Variants in AGXT2 observed in about 807,000 individuals in gnomAD.
AGXT2 encodes the protein alanine--glyoxylate aminotransferase 2, mitochondrial.
A neutral mutation model predicts 62.5 loss-of-function variants in AGXT2; 61 were observed. The ratio of observed to expected loss-of-function variants is 0.98; its 90% CI spans 0.79 to 1.21. AGXT2 has a LOEUF of 1.21. AGXT2 is among the 50% of genes most tolerant of loss of function. AGXT2 has a pLI of 0.00. For missense variants in AGXT2, 666 were observed against 641.5 expected, an observed-to-expected ratio of 1.04 and a Z score of -0.41; for synonymous variants, 243 against 218.7, an observed-to-expected ratio of 1.11 and a Z score of -0.98.
rs1246154252 is a variant in AGXT2, at chr5:35,012,961, A to G, written c.1181T>C (p.Val394Ala). ...NPMACAIGSA[V>A]LEVIKEENLQ... ...GTGGCCGCTGGAACCAACCTCAAGC[A>G]CAGCAGATCCAATGGCACAGGCCAT... Residue 394 changes from valine (V) to alanine (A), a missense_variant, in exon 11 of 14, where the codon GTG becomes GCG. Val to Ala is a moderately conservative substitution (Grantham distance 64). Coordinates refer to ENST00000231420, the MANE Select transcript of AGXT2 (RefSeq NM_031900.4). The G allele has an allele frequency of 6.4e-7, 1 of 1,551,738 alleles. No individual in the cohort carries two copies. The highest frequency in any genetic ancestry group is 8.7e-7 in the Non-Finnish European group (1 of 1,146,986).
intron 9 of AGXT2, among the ~76,000 whole-genome samples, chr5:35,022,959 G>T (rs1197598391): frequency 6.6e-6 from 1 of 151,210 alleles, no homozygotes; most frequent in Non-Finnish European, 1.5e-5. Flanking sequence ...GCATAAAAGA[G>T]TCTTGGTGAT....
At chr5:35,031,624 C>G (rs1469945852) in intron 7 of AGXT2, among the ~76,000 whole-genome samples, 2 of 152,212 alleles carry the variant, frequency 1.3e-5, no homozygotes, top group Non-Finnish European at 2.9e-5. Context: ...CCTCCTCTCC[C>G]TCCTGTTAAG....
At chr5:35,041,621 T>C (rs1767995273) in intron 1 of AGXT2, among the ~76,000 whole-genome samples, 1 of 152,140 alleles carries the variant, frequency 6.6e-6, no homozygotes, top group South Asian at 2.1e-4. Context: ...GCTCCTAATT[T>C]TGAAGACTGA....
chr5:35,000,843 T>A (rs1766204272), intron 13 of AGXT2, among the ~76,000 whole-genome samples: 1 of 152,220 alleles, frequency 6.6e-6, no homozygotes, highest in South Asian at 2.1e-4. Context: ...GCTACAGACT[T>A]CTACAGATGG....
At chr5:35,013,167 A>G (rs1346408513) in intron 10 of AGXT2, 122 bp from the exon 11 acceptor site, 3 of 851,862 alleles carry the variant, frequency 3.5e-6, no homozygotes, top group Non-Finnish European at 5.9e-6. Flanking sequence ...TTCATCCTTC[A>G]TTCAACTGAT....
rs2112188175 is a variant in AGXT2, at chr5:35,010,163, G to A, written c.1189-14C>T. ...TTCTTTAATCACCTGTTAAGAGAAAGCCCCAAATGATCTTACATGGCAGAA... is the reference window on the plus strand; with the variant it reads ...TTCTTTAATCACCTGTTAAGAGAAAACCCCAAATGATCTTACATGGCAGAA... On this transcript the variant is annotated splice_polypyrimidine_tract_variant and intron_variant, in intron 11 of 13. Transcript: ENST00000231420. 1 of 1,614,102 alleles carries A rather than the reference G, an allele frequency of 6.2e-7. No homozygotes were observed. Among genetic ancestry groups the A allele is most frequent in the Middle Eastern group, 1.6e-4 (1 of 6,062 alleles).
chr5:35,033,577 G>C (rs767503519), intron 5 of AGXT2, 24 bp from the exon 6 acceptor site: 1 of 1,590,484 alleles, frequency 6.3e-7, no homozygotes, highest in South Asian at 1.1e-5. Flanking sequence ...ACAACAGGAG[G>C]ATGGGGTCAA....
At chr5:35,017,739 T>G (rs1040647648) in intron 9 of AGXT2, among the ~76,000 whole-genome samples, 1 of 151,986 alleles carries the variant, frequency 6.6e-6, no homozygotes, top group African/African-American at 2.4e-5. Flanking sequence ...CTTTGACGAG[T>G]TGAGAGAAGA....
chr5:35,009,677 T>C (rs1766555936), intron 12 of AGXT2, among the ~76,000 whole-genome samples: 1 of 152,176 alleles, frequency 6.6e-6, no homozygotes, highest in Non-Finnish European at 1.5e-5. Flanking sequence ...TTCTTTCTTA[T>C]TCCTTCTGTT....
intron 9 of AGXT2, among the ~76,000 whole-genome samples, chr5:35,022,945 G>C (rs1306072662): frequency 6.6e-6 from 1 of 151,330 alleles, no homozygotes; most frequent in East Asian, 1.9e-4. Context: ...AAAAGGGAAA[G>C]TTAGCATAAA....
At chr5:35,026,009 G>A (rs530197269) in intron 8 of AGXT2, 154 bp from the exon 9 acceptor site, 2 of 716,058 alleles carry the variant, frequency 2.8e-6, no homozygotes, top group South Asian at 1.5e-5. Context: ...TGGGTGAAAA[G>A]AGGACTTATT....
At chr5:35,028,069 T>G (rs553901244) in intron 7 of AGXT2, among the ~76,000 whole-genome samples, 7 of 151,808 alleles carry the variant, frequency 4.6e-5, no homozygotes, top group Non-Finnish European at 1.0e-4. Context: ...GGCCCTGGAC[T>G]TCGTCATCTC....
chr5:35,002,821 G>A (rs1766284068), intron 13 of AGXT2, among the ~76,000 whole-genome samples: 1 of 152,026 alleles, frequency 6.6e-6, no homozygotes, highest in Non-Finnish European at 1.5e-5. Flanking sequence ...TGCGGGGACC[G>A]ATGAGTTTAT....
intron 12 of AGXT2, among the ~76,000 whole-genome samples, chr5:35,007,777 A>G (rs1450712784): frequency 1.3e-5 from 2 of 152,300 alleles, no homozygotes; most frequent in Admixed American, 1.3e-4. Context: ...CTCAAATGGA[A>G]GTTTGATCCC....
intron 3 of AGXT2, among the ~76,000 whole-genome samples, 161 bp from the exon 4 acceptor site, chr5:35,037,226 C>T (rs1165335722): frequency 2.0e-5 from 3 of 152,148 alleles, no homozygotes; most frequent in Non-Finnish European, 4.4e-5. Context: ...TAGAGGTGTC[C>T]AGAAATGGGA....
chr5:35,010,517 T>A (rs1460675376), intron 11 of AGXT2, among the ~76,000 whole-genome samples: 5 of 148,792 alleles, frequency 3.4e-5, no homozygotes, highest in South Asian at 2.1e-4. Context: ...GTCTCTACTT[T>A]AAAAAAAAAA....
At position 35,017,634 on chromosome 5, in the gene AGXT2, T is replaced by C. The variant is rs187054409; in HGVS notation, c.964-3515A>G. On this transcript the variant is annotated intron_variant, in intron 9 of 13. Coordinates refer to ENST00000231420, the MANE Select transcript of AGXT2 (RefSeq NM_031900.4). ...GAACTCTGTCCTTTAAACCTCTTTT[T>C]CTTAAACTGGAAACTCTAAAAAGCA... 1.4e-4 allele frequency among the ~76,000 whole-genome samples: 22 copies of C among 152,236 alleles called. No homozygotes were observed. In the East Asian group the frequency reaches 3.9e-3, roughly 27 times the overall value.
rs796430589 is a variant in AGXT2, at chr5:35,002,786, G to A, written c.1437+977C>T. On this transcript the variant is annotated intron_variant, in intron 13 of 13. Coordinates refer to ENST00000231420, the MANE Select transcript of AGXT2 (RefSeq NM_031900.4). ...TTTGTGATAGCAGGCTGGGGGGGGGGACTAACACGGGAGGAAAGAATAAAT... is the reference window on the plus strand; with the variant it reads ...TTTGTGATAGCAGGCTGGGGGGGGGAACTAACACGGGAGGAAAGAATAAAT... 7.2e-5 allele frequency among the ~76,000 whole-genome samples: 11 copies of A among 151,938 alleles called. No individual in the cohort carries two copies. In the East Asian group the frequency reaches 1.4e-3, roughly 19 times the overall value.
intron 1 of AGXT2, among the ~76,000 whole-genome samples, chr5:35,046,811 A>T (rs996214873): frequency 2.0e-5 from 3 of 152,222 alleles, no homozygotes; most frequent in African/African-American, 7.2e-5. Flanking sequence ...CGTGAAGCAC[A>T]GGCACATAAA....
Sources: gnomAD v4.1 joint callset for allele counts (sites outside exome capture counted in the v4.1 genomes callset) on GRCh38, gnomAD v4.1.1 for gene constraint, MANE v1.5 for transcripts, NCBI Gene and HGNC (gene_info 2026-07-23, HGNC 2026-07-21) for gene names.